ANO4: variants seen among roughly 807,000 people sequenced by gnomAD.
ANO4 encodes the protein anoctamin 4, also known as anoctamin-4.
ANO4 carries 69 observed loss-of-function variants against 141.9 expected under a neutral mutation model. That is an observed-to-expected ratio of 0.49 (90% CI 0.40 to 0.59). The LOEUF (loss-of-function observed/expected upper bound fraction) is 0.59, where lower values mean the gene tolerates loss of function less well. Ranked by LOEUF, ANO4 falls within the 20% of genes least tolerant of loss-of-function variation. ANO4 has a pLI of 0.00. For missense variants in ANO4, 894 were observed against 1,162.2 expected (o/e 0.77, Z 3.36); for synonymous variants, 350 against 394.3 (o/e 0.89, Z 1.33).
intron 1 of ANO4, among the ~76,000 whole-genome samples, chr12:100,845,695 C>T (rs1379901844): frequency 6.6e-6 from 1 of 152,092 alleles, no homozygotes; most frequent in African/African-American, 2.4e-5. Context: ...CACAATTACT[C>T]TGTAGTTCAC....
intron 3 of ANO4, among the ~76,000 whole-genome samples, chr12:100,748,505 C>G (rs2032215638): frequency 6.6e-6 from 1 of 152,188 alleles, no homozygotes; most frequent in Non-Finnish European, 1.5e-5. Context: ...AATGGAAGAT[C>G]AGCTACCCTC....
chr12:101,079,508 T>C (rs1384744956), intron 15 of ANO4, among the ~76,000 whole-genome samples: 1 of 152,198 alleles, frequency 6.6e-6, no homozygotes, highest in Non-Finnish European at 1.5e-5. Flanking sequence ...ATTCCACTTG[T>C]AGGTAGAGGC....
intron 2 of ANO4, among the ~76,000 whole-genome samples, chr12:100,904,072 T>C (rs2040725345): frequency 6.6e-6 from 1 of 152,180 alleles, no homozygotes; most frequent in African/African-American, 2.4e-5. Context: ...CACTGAAAGG[T>C]CTTTAAGGGC....
intron 5 of ANO4, among the ~76,000 whole-genome samples, chr12:100,970,394 C>T (rs1455016318): frequency 6.6e-6 from 1 of 152,030 alleles, no homozygotes; most frequent in African/African-American, 2.4e-5. Flanking sequence ...GCCCTTTGCT[C>T]TTCTTTCTCT....
At chr12:100,876,278 CAAAAAA>C (rs79799106) in intron 1 of ANO4, among the ~76,000 whole-genome samples, 3 of 91,954 alleles carry the variant, frequency 3.3e-5, no homozygotes, top group African/African-American at 1.2e-4. Context: ...ATATAAAGAC[CAAAAAA>C]AAAAAAAAAA....
chr12:101,025,584 A>G (rs2046700692), intron 9 of ANO4, among the ~76,000 whole-genome samples: 1 of 152,170 alleles, frequency 6.6e-6, no homozygotes. Flanking sequence ...CAGAGAAAGA[A>G]CCATCCAAAA....
At chr12:100,889,084 T>G (rs1223724020) in intron 1 of ANO4, among the ~76,000 whole-genome samples, 1 of 138,738 alleles carries the variant, frequency 7.2e-6, no homozygotes, top group Non-Finnish European at 1.5e-5. Flanking sequence ...CCTGTGTCCA[T>G]GTGTTCTCAT....
chr12:100,948,034 A>C (rs1232816288), intron 5 of ANO4, among the ~76,000 whole-genome samples: 8 of 151,896 alleles, frequency 5.3e-5, no homozygotes, highest in Admixed American at 5.2e-4. Flanking sequence ...ATACAACAAC[A>C]ACAAAAAAAA....
intron 1 of ANO4, among the ~76,000 whole-genome samples, chr12:100,797,436 C>T (rs2034402137): frequency 6.6e-6 from 1 of 152,102 alleles, no homozygotes; most frequent in Non-Finnish European, 1.5e-5. Context: ...CTGAAAGCAG[C>T]ATAGAAAACT....
chr12:100,811,095 T>TA (rs2035401829), intron 1 of ANO4, among the ~76,000 whole-genome samples: 1 of 152,146 alleles, frequency 6.6e-6, no homozygotes, highest in Admixed American at 6.5e-5. Context: ...AAAGCCCTGA[T>TA]AATACAAGAA....
intron 5 of ANO4, among the ~76,000 whole-genome samples, chr12:100,961,229 T>C (rs1035621172): frequency 6.6e-5 from 10 of 152,158 alleles, no homozygotes; most frequent in African/African-American, 2.4e-4. Context: ...TATGAGTCAT[T>C]GTGTTGTGAG....
chr12:100,818,395 G>T (rs2035851986), intron 1 of ANO4, among the ~76,000 whole-genome samples: 1 of 151,802 alleles, frequency 6.6e-6, no homozygotes, highest in Non-Finnish European at 1.5e-5. Context: ...TCAAGTAACA[G>T]AGCCCCCTTT....
intron 9 of ANO4, among the ~76,000 whole-genome samples, chr12:101,034,832 TA>T (rs1006678178): frequency 2.6e-5 from 4 of 152,098 alleles, no homozygotes; most frequent in African/African-American, 9.7e-5. Flanking sequence ...TATTATTCAT[TA>T]AAAAATGAGA....
chr12:100,800,199 T>C (rs994098830), intron 1 of ANO4, among the ~76,000 whole-genome samples: 2 of 152,214 alleles, frequency 1.3e-5, no homozygotes, highest in African/African-American at 4.8e-5. Context: ...TAAATGATCA[T>C]TGATTTCTAT....
intron 1 of ANO4, among the ~76,000 whole-genome samples, chr12:100,860,610 C>T (rs2038418851): frequency 6.6e-6 from 1 of 152,156 alleles, no homozygotes; most frequent in Admixed American, 6.5e-5. Flanking sequence ...CCTGTCTAAG[C>T]AGTTTCTCCA....
intron 3 of ANO4, among the ~76,000 whole-genome samples, chr12:100,933,045 T>C (rs2042143906): frequency 6.6e-6 from 1 of 152,284 alleles, no homozygotes; most frequent in African/African-American, 2.4e-5. Context: ...TGGGTCTGAA[T>C]GAAATGCAGA....
intron 1 of ANO4, among the ~76,000 whole-genome samples, chr12:100,882,556 T>C (rs1269183735): frequency 2.0e-5 from 3 of 152,180 alleles, no homozygotes; most frequent in African/African-American, 4.8e-5. Flanking sequence ...AACGATGATA[T>C]CTCAGTATGA....
intron 8 of ANO4, among the ~76,000 whole-genome samples, chr12:100,994,645 A>G (rs894145096): frequency 1.3e-5 from 2 of 152,238 alleles, no homozygotes; most frequent in South Asian, 4.1e-4. Flanking sequence ...ATAAAAATTG[A>G]GGTTAAATTA....
chr12:101,056,322 A>G (rs11110637), intron 14 of ANO4, among the ~76,000 whole-genome samples: 3,927 of 151,424 alleles, frequency 0.026, 81 homozygotes, highest in Middle Eastern at 0.059. Context: ...ATATTTTGTT[A>G]AATTTATGCC....
Sources: gnomAD v4.1 joint callset for allele counts (sites outside exome capture counted in the v4.1 genomes callset) on GRCh38, gnomAD v4.1.1 for gene constraint, MANE v1.5 for transcripts, NCBI Gene and HGNC (gene_info 2026-07-23, HGNC 2026-07-21) for gene names.